Variants in NKAIN1 observed in about 807,000 individuals in gnomAD.
The protein encoded by NKAIN1 is sodium/potassium-transporting ATPase subunit beta-1-interacting protein 1.
A neutral mutation model predicts 31.6 loss-of-function variants in NKAIN1; 13 were observed. The ratio of observed to expected loss-of-function variants is 0.41; its 90% CI spans 0.27 to 0.65. The LOEUF is 0.65. Ranked by LOEUF, NKAIN1 falls within the 30% of genes least tolerant of loss-of-function variation. NKAIN1 has a pLI of 0.30. For missense variants in NKAIN1, 193 were observed against 262.2 expected (o/e 0.74, Z 1.82); for synonymous variants, 104 against 109.0 (o/e 0.95, Z 0.28).
At chr1:31,200,249 G>A (rs748255065) in intron 1 of NKAIN1, among the ~76,000 whole-genome samples, 1 of 152,148 alleles carries the variant, frequency 6.6e-6, no homozygotes, top group Non-Finnish European at 1.5e-5. Flanking sequence ...ACATGATTCC[G>A]TTCGTGTAAA....
Position 31,182,532 on chromosome 1 carries a change from C to T in NKAIN1, c.530G>A (p.Ser177Asn), listed in dbSNP as rs6695690. 6.2e-7 allele frequency: 1 copy of T among 1,614,026 alleles called. No homozygotes were observed. Among genetic ancestry groups the T allele is most frequent in the Non-Finnish European group, 8.5e-7 (1 of 1,179,996 alleles). ...VSKVFLEEED[S>N]FDFIGGFDSY... ...TTCCCCAGGGGCGCCTTACTCACAG[C>T]TGTCCTCCTCCTCCAGGAACACTTT... Residue 177 changes from serine (S) to asparagine (N), a missense_variant and splice_region_variant, in exon 5 of 7, where the codon AGC becomes AAC. Coordinates refer to ENST00000373736, the MANE Select transcript of NKAIN1 (RefSeq NM_024522.3).
chr1:31,211,365 G>T (rs1199928250), intron 1 of NKAIN1, among the ~76,000 whole-genome samples: 2 of 152,098 alleles, frequency 1.3e-5, no homozygotes, highest in African/African-American at 4.8e-5. Flanking sequence ...CATTGACAAT[G>T]AACAATCTAA....
intron 1 of NKAIN1, among the ~76,000 whole-genome samples, chr1:31,195,570 C>T (rs1645319869): frequency 6.6e-6 from 1 of 152,028 alleles, no homozygotes; most frequent in South Asian, 2.1e-4. Flanking sequence ...GCCTCTCCCT[C>T]TCCCCAGATC....
At chr1:31,231,637 T>C (rs552136856) in intron 1 of NKAIN1, among the ~76,000 whole-genome samples, 2 of 152,180 alleles carry the variant, frequency 1.3e-5, no homozygotes, top group South Asian at 2.1e-4. Flanking sequence ...TTCATGCCAC[T>C]GTCCTGCCTC....
intron 1 of NKAIN1, among the ~76,000 whole-genome samples, chr1:31,201,460 G>A (rs1287396415): frequency 6.7e-6 from 1 of 149,718 alleles, no homozygotes; most frequent in Non-Finnish European, 1.5e-5. Flanking sequence ...CCGGGTTCAC[G>A]CCATCCTCCT....
intron 1 of NKAIN1, among the ~76,000 whole-genome samples, chr1:31,206,882 CA>C (rs1463231116): frequency 1.3e-5 from 2 of 152,142 alleles, no homozygotes; most frequent in Non-Finnish European, 2.9e-5. Flanking sequence ...TATAGGCATG[CA>C]CCACTACGCT....
At chr1:31,217,040 A>G (rs538734983) in intron 1 of NKAIN1, among the ~76,000 whole-genome samples, 53 of 152,214 alleles carry the variant, frequency 3.5e-4, no homozygotes, top group African/African-American at 1.2e-3. Context: ...TAATTTTTGT[A>G]TTTTTAGTAG....
At position 31,185,221 on chromosome 1, in the gene NKAIN1, A is replaced by G. The variant is rs1645233410; in HGVS notation, c.273+26T>C. The G allele has an allele frequency of 2.5e-6, 4 of 1,588,312 alleles. No individual in the cohort carries two copies. The African/African-American group carries it at 4.0e-5, about 16-fold the overall frequency. On this transcript the variant is annotated intron_variant, in intron 3 of 6. Coordinates refer to ENST00000373736, the MANE Select transcript of NKAIN1 (RefSeq NM_024522.3). ...GATGGGAATGGTCAGGCTCTGCCCT[A>G]TGGCACTGCCAGGTCTGAGGCTTAC... is the stretch of plus-strand genomic sequence containing the variant.
chr1:31,220,228 G>A (rs1484199504), intron 1 of NKAIN1, among the ~76,000 whole-genome samples: 1 of 148,882 alleles, frequency 6.7e-6, no homozygotes, highest in African/African-American at 2.5e-5. Context: ...TGTTGGTCAG[G>A]CTGGTCTCGA....
At chr1:31,211,267 T>A (rs1014043523) in intron 1 of NKAIN1, among the ~76,000 whole-genome samples, 3 of 151,912 alleles carry the variant, frequency 2.0e-5, no homozygotes, top group Non-Finnish European at 2.9e-5. Flanking sequence ...AACTAAAGAA[T>A]CCCCAAAAAA....
chr1:31,193,230 G>A (rs561913918), intron 1 of NKAIN1, among the ~76,000 whole-genome samples: 24 of 151,082 alleles, frequency 1.6e-4, no homozygotes, highest in Middle Eastern at 3.4e-3. Context: ...CACCACGCCC[G>A]GCTAATTTTT....
At chr1:31,194,849 G>A (rs1444902215) in intron 1 of NKAIN1, among the ~76,000 whole-genome samples, 2 of 119,166 alleles carry the variant, frequency 1.7e-5, no homozygotes, top group South Asian at 3.1e-4. Flanking sequence ...TCAGCTCACC[G>A]CAATCTCTGC....
intron 1 of NKAIN1, among the ~76,000 whole-genome samples, chr1:31,238,956 A>G (rs1645712035): frequency 6.6e-6 from 1 of 152,172 alleles, no homozygotes; most frequent in Admixed American, 6.5e-5. Flanking sequence ...ACACAGATGA[A>G]CATGGGCCAG....
intron 1 of NKAIN1, among the ~76,000 whole-genome samples, chr1:31,211,925 G>C (rs1645472870): frequency 6.6e-6 from 1 of 151,880 alleles, no homozygotes; most frequent in Non-Finnish European, 1.5e-5. Flanking sequence ...CTGGGAGACA[G>C]AGTGAGACTC....
At chr1:31,232,422 T>TAG (rs1645658712) in intron 1 of NKAIN1, among the ~76,000 whole-genome samples, 15 of 25,798 alleles carry the variant, frequency 5.8e-4, no homozygotes, top group East Asian at 2.4e-3. Flanking sequence ...TATATATATA[T>TAG]ATAGAGAGAG....
At position 31,206,157 on chromosome 1, in the gene NKAIN1, C is replaced by T. The variant is rs538563962; in HGVS notation, c.55-17970G>A. 3.7e-4 allele frequency among the ~76,000 whole-genome samples: 56 copies of T among 150,502 alleles called. No homozygotes were observed. In the Middle Eastern group the frequency reaches 0.01, roughly 28 times the overall value. On this transcript the variant is annotated intron_variant, in intron 1 of 6. Transcript: ENST00000373736. ...GGCTGAGGCAGGAGAATCGCTTGAACCCGGGATGAGGAGGTTGCAGTGAGC... is the reference window on the plus strand; with the variant it reads ...GGCTGAGGCAGGAGAATCGCTTGAATCCGGGATGAGGAGGTTGCAGTGAGC...
At chr1:31,191,602 T>G (rs911473705) in intron 1 of NKAIN1, among the ~76,000 whole-genome samples, 4 of 152,026 alleles carry the variant, frequency 2.6e-5, no homozygotes, top group Non-Finnish European at 5.9e-5. Flanking sequence ...TAACAGACAA[T>G]TAGACTTGAT....
Position 31,223,630 on chromosome 1 carries a change from G to A in NKAIN1, c.54+15864C>T, listed in dbSNP as rs542869539. ...CAGCTAATGTTTTGTATTTTTAGTA[G>A]AGACGGGGTTTCACCGTGTTAGCCA... On this transcript the variant is annotated intron_variant, in intron 1 of 6. Transcript: ENST00000373736. Among the ~76,000 whole-genome samples, 3 of 152,214 alleles carry A rather than the reference G, an allele frequency of 2.0e-5. No homozygotes were observed. In the East Asian group the frequency reaches 5.9e-4, roughly 30 times the overall value.
intron 1 of NKAIN1, among the ~76,000 whole-genome samples, chr1:31,205,551 C>T (rs887213335): frequency 6.6e-6 from 1 of 151,734 alleles, no homozygotes; most frequent in African/African-American, 2.4e-5. Context: ...TCGTGATCTG[C>T]CCGCCTAAGT....
Sources: allele counts gnomAD v4.1 joint callset (sites outside exome capture counted in the v4.1 genomes callset), GRCh38; gene constraint gnomAD v4.1.1; transcripts MANE v1.5; gene names NCBI Gene and HGNC (gene_info 2026-07-23, HGNC 2026-07-21).